FUT8: variants seen among roughly 807,000 people sequenced by gnomAD.
FUT8 encodes alpha-(1,6)-fucosyltransferase.
FUT8 carries 29 observed loss-of-function variants against 71.3 expected under a neutral mutation model. The ratio of observed to expected loss-of-function variants is 0.41; its 90% CI spans 0.30 to 0.55. The LOEUF (loss-of-function observed/expected upper bound fraction) is 0.55, where lower values mean the gene tolerates loss of function less well. Among genes scored for constraint, FUT8 ranks in the 20% least tolerant of loss-of-function variants. The pLI, the probability that FUT8 is intolerant of heterozygous loss-of-function variation, is 0.34. For missense variants in FUT8, 544 were observed against 702.1 expected (o/e 0.77, Z 2.55); for synonymous variants, 254 against 239.3 (o/e 1.06, Z -0.57).
At chr14:65,529,899 C>A (rs1016406476) in intron 2 of FUT8, among the ~76,000 whole-genome samples, 5 of 152,078 alleles carry the variant, frequency 3.3e-5, no homozygotes, top group Non-Finnish European at 5.9e-5. Flanking sequence ...CCCAAGGATT[C>A]ATTGAGGACT....
intron 1 of FUT8, among the ~76,000 whole-genome samples, chr14:65,422,089 T>A (rs899793767): frequency 6.6e-6 from 1 of 152,138 alleles, no homozygotes; most frequent in African/African-American, 2.4e-5. Flanking sequence ...CTTCAGCACC[T>A]TTGGTGTTGA....
the FUT8 span, among the ~76,000 whole-genome samples, chr14:65,380,192 ACTT>A: frequency 2.0e-5 from 3 of 152,200 alleles, no homozygotes; most frequent in African/African-American, 7.2e-5. Context: ...GGTGAAAGGC[ACTT>A]CTTACATGGC....
At chr14:65,408,958 T>C (rs1272520696), upstream of FUT8, among the ~76,000 whole-genome samples, 3 of 152,188 alleles carry the variant, frequency 2.0e-5, no homozygotes, top group Non-Finnish European at 4.4e-5. Flanking sequence ...CTCTAAAAAA[T>C]AAAAATGAAA....
chr14:65,391,220 AGG>A, the FUT8 span, among the ~76,000 whole-genome samples: 16 of 152,200 alleles, frequency 1.1e-4, no homozygotes, highest in African/African-American at 3.9e-4. Flanking sequence ...AAGAAATCAC[AGG>A]GTATGAGAGC....
intron 6 of FUT8, among the ~76,000 whole-genome samples, chr14:65,633,004 T>TCCCCCCCC (rs376298224): frequency 8.7e-4 from 68 of 78,062 alleles, no homozygotes; most frequent in African/African-American, 1.9e-3. Context: ...CCCTCTCCCC[T>TCCCCCCCC]CCCCCCCCCC....
At chr14:65,418,304 G>A (rs1390709257) in intron 1 of FUT8, among the ~76,000 whole-genome samples, 3 of 152,086 alleles carry the variant, frequency 2.0e-5, no homozygotes, top group Non-Finnish European at 2.9e-5. Context: ...GACTTTCAAT[G>A]GACAATGAAT....
At chr14:65,706,155 G>A (rs1436466482) in intron 7 of FUT8, among the ~76,000 whole-genome samples, 4 of 152,120 alleles carry the variant, frequency 2.6e-5, no homozygotes. Flanking sequence ...TTTTATAGAT[G>A]AGTATGGTGC....
chr14:65,378,839 T>A, the FUT8 span, among the ~76,000 whole-genome samples: 1 of 105,086 alleles, frequency 9.5e-6, no homozygotes, highest in Non-Finnish European at 1.9e-5. Flanking sequence ...ACAAGAAGGT[T>A]TTTTTTTTTT....
rs537854646 is a variant in FUT8, at chr14:65,602,032, A to G, written c.204-13946A>G. 1.2e-4 allele frequency among the ~76,000 whole-genome samples: 18 copies of G among 151,846 alleles called. No homozygotes were observed. The East Asian group carries it at 3.1e-3, about 26-fold the overall frequency. ...TGGAGGACAGGTGGTATTCCGTTAT[A>G]TAAGTTCTTCAGTGGTGATTTGTGA... is the stretch of plus-strand genomic sequence containing the variant. On this transcript the variant is annotated intron_variant, in intron 3 of 10. Coordinates refer to ENST00000673929, the MANE Select transcript of FUT8 (RefSeq NM_001371533.1).
chr14:65,646,598 T>C (rs1329916825), intron 6 of FUT8: 1 of 130,498 alleles, frequency 7.7e-6, no homozygotes, highest in African/African-American at 2.4e-5. Flanking sequence ...AGAACCTTTG[T>C]GTAAGTCAGC....
intron 6 of FUT8, among the ~76,000 whole-genome samples, chr14:65,631,163 T>C (rs1890162333): frequency 6.6e-6 from 1 of 152,188 alleles, no homozygotes; most frequent in African/African-American, 2.4e-5. Flanking sequence ...TCCTATCAAC[T>C]AGAACCTCAC....
the FUT8 span, among the ~76,000 whole-genome samples, chr14:65,393,279 G>A: frequency 6.6e-6 from 1 of 152,184 alleles, no homozygotes; most frequent in Admixed American, 6.5e-5. Context: ...TGGAAATTTA[G>A]CCCTTTAATG....
chr14:65,611,199 G>A (rs201435659), intron 3 of FUT8, among the ~76,000 whole-genome samples: 3,884 of 7,294 alleles, frequency 0.53, 877 homozygotes, highest in African/African-American at 0.57. Flanking sequence ...ACACACACAC[G>A]CGCGCGCGCG....
chr14:65,450,867 T>C (rs1004776389), intron 1 of FUT8, among the ~76,000 whole-genome samples: 2 of 150,650 alleles, frequency 1.3e-5, no homozygotes, highest in African/African-American at 4.9e-5. Flanking sequence ...CCTTCCACCC[T>C]ATTTTTTTTT....
chr14:65,694,071 T>C (rs1004327141), intron 7 of FUT8, among the ~76,000 whole-genome samples: 1 of 152,198 alleles, frequency 6.6e-6, no homozygotes, highest in African/African-American at 2.4e-5. Flanking sequence ...AATTTGGGTC[T>C]TCTCCCCTTC....
intron 3 of FUT8, among the ~76,000 whole-genome samples, chr14:65,564,913 C>T (rs913730409): frequency 6.6e-6 from 1 of 151,702 alleles, no homozygotes; most frequent in Non-Finnish European, 1.5e-5. Flanking sequence ...AGTAGTATTC[C>T]GTTATATTGA....
rs73284108 is a variant in FUT8, at chr14:65,445,777, C to T, written c.-325-9844C>T. ...GGATTTGTATGAAAAGTGACTGATGCACAGAAAACCTTTATTTTTTATTTT... is the reference window on the plus strand; with the variant it reads ...GGATTTGTATGAAAAGTGACTGATGTACAGAAAACCTTTATTTTTTATTTT... On this transcript the variant is annotated intron_variant, in intron 1 of 10. Coordinates refer to ENST00000673929, the MANE Select transcript of FUT8 (RefSeq NM_001371533.1). Among the ~76,000 whole-genome samples the T allele has an allele frequency of 9.5e-3, 1,441 of 152,206 alleles. 23 individuals carry two copies. The highest frequency in any genetic ancestry group is 0.033 in the African/African-American group (1,379 of 41,544).
At chr14:65,410,691 T>G (rs2066528950), upstream of FUT8, 1 of 151,856 alleles carries the variant, frequency 6.6e-6, no homozygotes, top group Non-Finnish European at 1.5e-5. Flanking sequence ...TAGGCAAATG[T>G]AAAGCTTTGT....
chr14:65,686,015 C>T lies in FUT8; in HGVS notation c.835+16535C>T, dbSNP rs369913946. 4.3e-4 allele frequency among the ~76,000 whole-genome samples: 66 copies of T among 152,280 alleles called. No individual in the cohort carries two copies. The East Asian group carries it at 7.3e-3, about 17-fold the overall frequency. The stretch of plus-strand genomic sequence containing the variant: ...CTCCTGGGAATGCAGCCCAGTAGGT[C>T]TTAGCCTCATTTTACCCAGCCCCTA... On this transcript the variant is annotated intron_variant, in intron 7 of 10. Coordinates refer to ENST00000673929, the MANE Select transcript of FUT8 (RefSeq NM_001371533.1).
Sources: gnomAD v4.1 joint callset for allele counts (sites outside exome capture counted in the v4.1 genomes callset) on GRCh38, gnomAD v4.1.1 for gene constraint, MANE v1.5 for transcripts, NCBI Gene and HGNC (gene_info 2026-07-23, HGNC 2026-07-21) for gene names.